The following SPTA1 variants were observed in gnomAD, a reference collection of about 807,000 sequenced individuals.
SPTA1 encodes the protein spectrin alpha chain, erythrocytic 1.
A neutral mutation model predicts 324.7 loss-of-function variants in SPTA1; 177 were observed. That is an observed-to-expected ratio of 0.55 (90% confidence interval 0.48 to 0.62). The LOEUF (loss-of-function observed/expected upper bound fraction) is 0.62. SPTA1 is among the 20% of genes least tolerant of loss of function. SPTA1 has a pLI of 0.00. For synonymous variants in SPTA1, 1,195 were observed against 1,041.3 expected (o/e 1.15, Z -2.84); for missense variants, 3,162 against 2,883.6 (o/e 1.10, Z -2.21).
intron 36 of SPTA1, among the ~76,000 whole-genome samples, chr1:158,637,443 C>A (rs1471585026): frequency 1.3e-5 from 2 of 152,166 alleles, no homozygotes; most frequent in Non-Finnish European, 2.9e-5. Context: ...GTGTAATGTG[C>A]TAAGATTTTC....
In SPTA1 at chr1:158,674,336, C is replaced by A. The variant is rs761263855; in HGVS notation, c.1343G>T (p.Arg448Leu). The A allele has an allele frequency of 1.9e-6, 3 of 1,613,814 alleles. No individual in the cohort carries two copies. Among genetic ancestry groups the A allele is most frequent in the African/African-American group, 2.7e-5 (2 of 74,908 alleles). Residue 448 changes from arginine (R) to leucine (L), a missense_variant, in exon 10 of 52, where the codon CGG becomes CTG. Physicochemically the swap from Arg to Leu is moderately radical, Grantham distance 102 (BLOSUM62 -2). Coordinates refer to ENST00000643759, the MANE Select transcript of SPTA1 (RefSeq NM_003126.4). ...NANHEASDEV[R>L]EKMEILDNNW... ...TCTGTTAAACTAGATTACCTTTTCC[C>A]GAACTTCATCAGAGGCTTCATGATT... is the stretch of plus-strand genomic sequence containing the variant.
Position 158,674,366 on chromosome 1 carries a change from T to A in SPTA1, c.1313A>T (p.Asn438Ile). 6.2e-7 allele frequency: 1 copy of A among 1,614,120 alleles called. No individual in the cohort carries two copies. ...SADETGQDLV[N>I]ANHEASDEVR... ...TTCATCAGAGGCTTCATGATTGGCA[T>A]TCACGAGGTCTTGACCAGTCTCATC... Residue 438 changes from asparagine (N) to isoleucine (I), a missense_variant, in exon 10 of 52, where the codon AAT becomes ATT. Physicochemically the swap from Asn to Ile is moderately radical, Grantham distance 149. Coordinates refer to ENST00000643759, the MANE Select transcript of SPTA1 (RefSeq NM_003126.4).
intron 18 of SPTA1, among the ~76,000 whole-genome samples, chr1:158,660,788 A>G (rs1653156096): frequency 6.6e-6 from 1 of 152,222 alleles, no homozygotes; most frequent in Non-Finnish European, 1.5e-5. Context: ...AAAACTGAAC[A>G]TCATACTTAA....
At chr1:158,673,851 A>G (rs1229264944) in intron 10 of SPTA1, among the ~76,000 whole-genome samples, 1 of 152,208 alleles carries the variant, frequency 6.6e-6, no homozygotes, top group Non-Finnish European at 1.5e-5. Context: ...TTAGCAAAAC[A>G]GTAGAGTTAA....
chr1:158,611,131 G>GCACACACGCA lies in SPTA1; in HGVS notation c.*132_*133insTGCGTGTGTG. ...AAATGTAATATGCACACAAACACAA[G>GCACACACGCA]CACACACACACACACACACACACAC... On this transcript the variant is annotated 3_prime_UTR_variant, in exon 52 of 52. Coordinates refer to ENST00000643759, the MANE Select transcript of SPTA1 (RefSeq NM_003126.4). 1 of 670,346 alleles carries GCACACACGCA rather than the reference G, an allele frequency of 1.5e-6. No homozygotes were observed. Among genetic ancestry groups the GCACACACGCA allele is most frequent in the Non-Finnish European group, 2.5e-6 (1 of 392,794 alleles). 41.5% of individuals were successfully genotyped at this position (670,346 alleles called of 1,614,324 possible). A position where few individuals can be genotyped will look rare whatever the true frequency, so the allele number is the denominator to read the frequency against.
chr1:158,623,336 G>T, intron 42 of SPTA1, 144 bp from the exon 43 acceptor site: 1 of 794,616 alleles, frequency 1.3e-6, no homozygotes, highest in Non-Finnish European at 2.2e-6. Flanking sequence ...ACTTAGAGAT[G>T]TAAGCAAACA....
Position 158,615,352 on chromosome 1 carries a change from C to T in SPTA1, c.6652G>A (p.Asp2218Asn), listed in dbSNP as rs763629848. ...GCGTCTTCCAAGTTGTCCCCCAGGTCCACAATCTTGGTTAGTTGACGCTTC... is the reference window on the plus strand; with the variant it reads ...GCGTCTTCCAAGTTGTCCCCCAGGTTCACAATCTTGGTTAGTTGACGCTTC... ...AMKRQLTKIV[D>N]LGDNLEDALI... is the part of the protein sequence containing the mutation. The change falls in exon 48 of 52, where the codon GAC becomes AAC. Residue 2218 changes from aspartate (D) to asparagine (N), a missense_variant. Transcript: ENST00000643759. 1.9e-6 allele frequency: 3 copies of T among 1,614,066 alleles called. No individual in the cohort carries two copies. Among genetic ancestry groups the T allele is most frequent in the Non-Finnish European group, 2.5e-6 (3 of 1,180,016 alleles).
At chr1:158,646,211 G>T (rs1002511182) in intron 27 of SPTA1, among the ~76,000 whole-genome samples, 2 of 152,034 alleles carry the variant, frequency 1.3e-5, no homozygotes, top group African/African-American at 4.8e-5. Context: ...CAAAACTAAG[G>T]TCTATCTTCT....
Position 158,667,964 on chromosome 1 carries a change from G to A in SPTA1, c.1932C>T (p.Gly644=). ...AGTGACCACCCTCAATCATCTCTTG[G>A]CCAGTTTTCTGTATGTTTTCCAGCT... is the stretch of plus-strand genomic sequence containing the variant. ...KTQLENIQKT[G]QEMIEGGHYA... is the part of the protein sequence containing the mutation. The change falls in exon 15 of 52, where the codon GGC becomes GGT. Residue 644 remains glycine, a synonymous_variant. Coordinates refer to ENST00000643759, the MANE Select transcript of SPTA1 (RefSeq NM_003126.4). 6.2e-7 allele frequency: 1 copy of A among 1,613,660 alleles called. No homozygotes were observed. Among genetic ancestry groups the A allele is most frequent in the Non-Finnish European group, 8.5e-7 (1 of 1,179,956 alleles).
At position 158,620,283 on chromosome 1, in the gene SPTA1, A is replaced by G. The variant is rs762235683; in HGVS notation, c.6304T>C (p.Leu2102=). 6.2e-7 allele frequency: 1 copy of G among 1,614,120 alleles called. No homozygotes were observed. The highest frequency in any genetic ancestry group is 1.7e-5 in the Admixed American group (1 of 60,026). ...LARAQADFKC[L]LELDQQIKAL... ...TTAATCTGCTGGTCTAGCTCCAGCAAACATTTAAAGTCTGCTTGAGCCCTA... is the reference window on the plus strand; with the variant it reads ...TTAATCTGCTGGTCTAGCTCCAGCAGACATTTAAAGTCTGCTTGAGCCCTA... Residue 2102 remains leucine, a synonymous_variant, in exon 44 of 52, where the codon TTG becomes CTG. Coordinates refer to ENST00000643759, the MANE Select transcript of SPTA1 (RefSeq NM_003126.4).
At position 158,612,981 on chromosome 1, in the gene SPTA1, G is replaced by A. The variant is rs1197342499; in HGVS notation, c.6990-20C>T. 6.8e-6 allele frequency: 11 copies of A among 1,613,174 alleles called. No individual in the cohort carries two copies. The highest frequency in any genetic ancestry group is 9.3e-6 in the Non-Finnish European group (11 of 1,179,670). ...CCCTTCCTGTGGGAGAAATGGATCA[G>A]GAGCTGAGCCTTCTCAAGGCAGAGA... On this transcript the variant is annotated intron_variant, in intron 50 of 51. Coordinates refer to ENST00000643759, the MANE Select transcript of SPTA1 (RefSeq NM_003126.4).
intron 43 of SPTA1, chr1:158,622,695 A>G: frequency 2.7e-6 from 1 of 377,210 alleles, no homozygotes; most frequent in Admixed American, 4.0e-5. Flanking sequence ...GACAGTTTTA[A>G]TTCTATCATA....
Position 158,622,990 on chromosome 1 carries a change from A to G in SPTA1, c.6113T>C (p.Leu2038Pro). The change falls in exon 43 of 52, where the codon CTA becomes CCA. Residue 2038 changes from leucine to proline, a missense_variant. Physicochemically the swap from Leu to Pro is moderately conservative, Grantham distance 98. Transcript: ENST00000643759. ...CTCATAATTTTTTTAAACCTTCTGTAGAGGCAGCTGTTTCTCCAGCAATTT... is the reference window on the plus strand; with the variant it reads ...CTCATAATTTTTTTAAACCTTCTGTGGAGGCAGCTGTTTCTCCAGCAATTT... ...RQKLLEKQLP[L>P]QKAEDLFVEF... The G allele has an allele frequency of 6.2e-7, 1 of 1,614,002 alleles. No individual in the cohort carries two copies. The highest frequency in any genetic ancestry group is 8.5e-7 in the Non-Finnish European group (1 of 1,179,864).
chr1:158,625,326 A>C (rs903437412), intron 42 of SPTA1, among the ~76,000 whole-genome samples: 2 of 152,202 alleles, frequency 1.3e-5, no homozygotes, highest in Non-Finnish European at 2.9e-5. Flanking sequence ...TGTCAAGATG[A>C]TTTCACAATT....
intron 36 of SPTA1, 22 bp from the exon 37 acceptor site, chr1:158,636,783 G>T: frequency 6.2e-7 from 1 of 1,613,666 alleles, no homozygotes. Context: ...GAAGAAAACA[G>T]AAAGTTTGGA....
chr1:158,642,128 G>A (rs563181928), intron 33 of SPTA1, among the ~76,000 whole-genome samples: 3 of 151,926 alleles, frequency 2.0e-5, no homozygotes, highest in Admixed American at 2.0e-4. Flanking sequence ...ATGGACACAG[G>A]AATGGGAACA....
intron 16 of SPTA1, among the ~76,000 whole-genome samples, chr1:158,663,179 A>G (rs1315339932): frequency 6.6e-6 from 1 of 152,226 alleles, no homozygotes; most frequent in Non-Finnish European, 1.5e-5. Flanking sequence ...AGAAACATCA[A>G]AATATTTATA....
chr1:158,636,506 G>T, intron 37 of SPTA1, 135 bp downstream of exon 37: 2 of 1,023,850 alleles, frequency 2.0e-6, no homozygotes, highest in South Asian at 1.4e-5. Context: ...AAGAATATTT[G>T]TAAACTCTTT....
chr1:158,613,839 G>C lies in SPTA1; in HGVS notation c.6871C>G (p.Leu2291Val), dbSNP rs1437155752. 5.0e-6 allele frequency: 8 copies of C among 1,613,718 alleles called. No homozygotes were observed. The highest frequency in any genetic ancestry group is 6.8e-6 in the Non-Finnish European group (8 of 1,179,918). ...KHFDENLTGR[L>V]THKEFRSCLR... The stretch of plus-strand genomic sequence containing the variant: ...CAGGACCGGAACTCTTTGTGAGTCA[G>C]GCGCCCTGTCAAATTCTCATCAAAG... The change falls in exon 50 of 52, where the codon CTG becomes GTG. Residue 2291 changes from leucine to valine, a missense_variant. Physicochemically the swap from Leu to Val is conservative, Grantham distance 32. Transcript: ENST00000643759.
Sources: gnomAD v4.1 joint callset for allele counts (sites outside exome capture counted in the v4.1 genomes callset) on GRCh38, gnomAD v4.1.1 for gene constraint, MANE v1.5 for transcripts, NCBI Gene and HGNC (gene_info 2026-07-23, HGNC 2026-07-21) for gene names.